Variants in SENP6 observed in about 807,000 individuals in gnomAD.
SENP6 encodes the protein SUMO specific peptidase 6.
Under a neutral mutation model 134.5 loss-of-function variants are expected in SENP6, and 41 were observed. The observed-to-expected ratio is 0.30, with a 90% confidence interval of 0.24 to 0.40. The LOEUF (loss-of-function observed/expected upper bound fraction) is 0.40, where lower values mean the gene tolerates loss of function less well. Among genes scored for constraint, SENP6 ranks in the 10% least tolerant of loss-of-function variants. The probability of loss-of-function intolerance (pLI) is 1.00; values close to 1 mark genes in which losing one functional copy is unlikely to be tolerated. For missense variants in SENP6, 1,248 were observed against 1,312.5 expected (o/e 0.95, Z 0.76); for synonymous variants, 395 against 429.8 (o/e 0.92, Z 1.00).
At position 75,716,361 on chromosome 6, in the gene SENP6, A is replaced by C. The variant is rs150583979; in HGVS notation, c.*767A>C. The C allele has an allele frequency of 1.3e-5, 2 of 152,044 alleles. No individual in the cohort carries two copies. The highest frequency in any genetic ancestry group is 1.3e-4 in the Admixed American group (2 of 15,266). 9.4% of individuals were successfully genotyped at this position (152,044 alleles called of 1,614,324 possible). ...CAAATATCCCGTGTTACCTTTCTCTATTACAGCTTAAAGTATGCTACAATC... is the reference window on the plus strand; with the variant it reads ...CAAATATCCCGTGTTACCTTTCTCTCTTACAGCTTAAAGTATGCTACAATC... On this transcript the variant is annotated 3_prime_UTR_variant, in exon 24 of 24. Coordinates refer to ENST00000447266, the MANE Select transcript of SENP6 (RefSeq NM_015571.4).
rs369405641 is a variant in SENP6, at chr6:75,703,044, T to C, written c.2688T>C (p.Asn896=). The change falls in exon 19 of 24, where the codon AAT becomes AAC. Residue 896 remains asparagine, a synonymous_variant. Transcript: ENST00000447266. ...DRTKSENGLQ[N]ESLSSTHHTD... ...CTAAAAGTGAGAATGGCCTACAGAA[T>C]GAAAGTTTAAGTTCCACACATCATA... The C allele has an allele frequency of 4.3e-6, 7 of 1,609,652 alleles. No homozygotes were observed. In the African/African-American group the frequency reaches 8.1e-5, roughly 19 times the overall value.
At chr6:75,658,267 G>T (rs563553394) in intron 7 of SENP6, among the ~76,000 whole-genome samples, 1 of 152,114 alleles carries the variant, frequency 6.6e-6, no homozygotes, top group Admixed American at 6.6e-5. Context: ...CTTTGTGATT[G>T]CACTAAGCAA....
In SENP6 at chr6:75,629,543, G is replaced by A. The variant is rs571538753; in HGVS notation, c.208-4038G>A. ...TCGAACTCCAGACCTCAGGTGATCC[G>A]CCCACCTTGGCTTCCCAAAGTGCTG... On this transcript the variant is annotated intron_variant, in intron 3 of 23. Coordinates refer to ENST00000447266, the MANE Select transcript of SENP6 (RefSeq NM_015571.4). Among the ~76,000 whole-genome samples, 13 of 152,084 alleles carry A rather than the reference G, an allele frequency of 8.5e-5. No homozygotes were observed. In the South Asian group the frequency reaches 1.5e-3, roughly 17 times the overall value.
At chr6:75,640,617 C>A in intron 5 of SENP6, 67 bp from the exon 6 acceptor site, 1 of 1,029,688 alleles carries the variant, frequency 9.7e-7, no homozygotes, top group Non-Finnish European at 1.4e-6. Context: ...ATAGTTACTG[C>A]AACTACAGTG....
intron 9 of SENP6, 136 bp from the exon 10 acceptor site, chr6:75,666,576 A>G (rs1410401255): frequency 1.6e-5 from 5 of 304,584 alleles, no homozygotes; most frequent in Non-Finnish European, 2.8e-5. Context: ...TTAATTTTAG[A>G]TCTGGAGGAG....
intron 3 of SENP6, among the ~76,000 whole-genome samples, chr6:75,633,343 G>T (rs1435368005): frequency 6.6e-6 from 1 of 151,966 alleles, no homozygotes; most frequent in East Asian, 1.9e-4. Flanking sequence ...AAATATCTTT[G>T]GAAAGATTCA....
At chr6:75,623,686 G>C (rs1425943068) in intron 2 of SENP6, among the ~76,000 whole-genome samples, 1 of 152,090 alleles carries the variant, frequency 6.6e-6, no homozygotes, top group Non-Finnish European at 1.5e-5. Flanking sequence ...ATTTTTATTG[G>C]AACATAGCCA....
In SENP6 at chr6:75,695,447, C is replaced by T. The variant is rs181719244; in HGVS notation, c.2076-357C>T. On this transcript the variant is annotated intron_variant, in intron 16 of 23. Transcript: ENST00000447266. ...GATTTACTGAGTTTTTAATACAAAG[C>T]GAACTGTGGCCGGGCGCCATGGCTC... Among the ~76,000 whole-genome samples, 20 of 152,276 alleles carry T rather than the reference C, an allele frequency of 1.3e-4. No individual in the cohort carries two copies. In the East Asian group the frequency reaches 2.7e-3, roughly 21 times the overall value.
At chr6:75,652,696 A>AAAAAAAAAAT in intron 7 of SENP6, among the ~76,000 whole-genome samples, 1 of 148,818 alleles carries the variant, frequency 6.7e-6, no homozygotes, top group East Asian at 2.1e-4. Context: ...AAAAAAAAAA[A>AAAAAAAAAAT]AAAAAAAGAA....
Position 75,663,535 on chromosome 6 carries a change from C to T in SENP6, c.994+17C>T. ...ATGATCCAAGTAAGTATTTTACTCC[C>T]TTTAATATTGCTTATATCAATCCAG... On this transcript the variant is annotated intron_variant, in intron 9 of 23. Coordinates refer to ENST00000447266, the MANE Select transcript of SENP6 (RefSeq NM_015571.4). The T allele has an allele frequency of 6.4e-7, 1 of 1,574,700 alleles. No homozygotes were observed. The highest frequency in any genetic ancestry group is 8.6e-7 in the Non-Finnish European group (1 of 1,158,446).
chr6:75,628,693 G>A (rs1235852586), intron 3 of SENP6, among the ~76,000 whole-genome samples: 3 of 152,006 alleles, frequency 2.0e-5, no homozygotes, highest in Non-Finnish European at 2.9e-5. Flanking sequence ...GATAAATATG[G>A]AAATAGTTTT....
chr6:75,623,872 T>C (rs767301399), intron 2 of SENP6, 28 bp from the exon 3 acceptor site: 6 of 1,570,422 alleles, frequency 3.8e-6, no homozygotes, highest in East Asian at 4.5e-5. Flanking sequence ...TTGCTACTTA[T>C]GTTTTTTTCC....
Position 75,633,698 on chromosome 6 carries a change from A to C in SENP6, c.325A>C (p.Asn109His), listed in dbSNP as rs1347939820. 1 of 1,610,190 alleles carries C rather than the reference A, an allele frequency of 6.2e-7. No homozygotes were observed. Among genetic ancestry groups the C allele is most frequent in the Non-Finnish European group, 8.5e-7 (1 of 1,178,760 alleles). ...TTTGAAAGGCAACCCAATTGGACTT[A>C]ACATGTTGAGCAACAATAAGAAATT... is the stretch of plus-strand genomic sequence containing the variant. Reference protein sequence around the residue: ...KTLKGNPIGLNMLSNNKKLSE... With the variant: ...KTLKGNPIGLHMLSNNKKLSE... The change falls in exon 4 of 24, where the codon AAC becomes CAC. Residue 109 changes from asparagine to histidine, a missense_variant. Physicochemically the swap from Asn to His is moderately conservative, Grantham distance 68 (BLOSUM62 1). Around this residue, in one of 3 missense-constraint regions of SENP6, gnomAD observed 733 missense variants for 725.4 expected, o/e 1.01. Coordinates refer to ENST00000447266, the MANE Select transcript of SENP6 (RefSeq NM_015571.4).
chr6:75,614,273 T>G (rs1469790762), intron 1 of SENP6, among the ~76,000 whole-genome samples: 1 of 150,754 alleles, frequency 6.6e-6, no homozygotes, highest in Non-Finnish European at 1.5e-5. Context: ...TTTTTTTTTT[T>G]TTTTTTGTTT....
At chr6:75,664,444 C>T (rs1164824068) in intron 9 of SENP6, among the ~76,000 whole-genome samples, 3 of 151,978 alleles carry the variant, frequency 2.0e-5, no homozygotes, top group Non-Finnish European at 4.4e-5. Context: ...CTGTGCTAAG[C>T]ATTTTACATA....
chr6:75,714,044 T>C (rs1441157636), intron 23 of SENP6, among the ~76,000 whole-genome samples: 1 of 152,188 alleles, frequency 6.6e-6, no homozygotes, highest in Non-Finnish European at 1.5e-5. Flanking sequence ...GAGCTCATTC[T>C]ATCACTGAAC....
At chr6:75,712,350 A>G (rs949758500) in intron 21 of SENP6, among the ~76,000 whole-genome samples, 8 of 152,202 alleles carry the variant, frequency 5.3e-5, no homozygotes, top group African/African-American at 1.2e-4. Flanking sequence ...TAGTTAAACA[A>G]TCTGCTCCAA....
intron 3 of SENP6, among the ~76,000 whole-genome samples, chr6:75,624,561 C>A (rs1768523096): frequency 6.6e-6 from 1 of 151,698 alleles, no homozygotes; most frequent in Admixed American, 6.6e-5. Context: ...TGTCTTCAAC[C>A]TTTGATCTTT....
chr6:75,713,841 T>C lies in SENP6; in HGVS notation c.3129+16T>C, dbSNP rs1395778133. ...CTTTTTTGAGGTGGGTTTCAATTTG[T>C]TGGATCTGCTATAATAAATAATAAA... On this transcript the variant is annotated intron_variant, in intron 23 of 23. Transcript: ENST00000447266. 14 of 1,540,810 alleles carry C rather than the reference T, an allele frequency of 9.1e-6. No homozygotes were observed. Among genetic ancestry groups the C allele is most frequent in the Non-Finnish European group, 1.2e-5 (14 of 1,137,188 alleles).
Sources: gnomAD v4.1 joint callset for allele counts (sites outside exome capture counted in the v4.1 genomes callset) on GRCh38, gnomAD v4.1.1 for gene constraint, gnomAD v4.1.1 regional missense constraint, MANE v1.5 for transcripts, NCBI Gene and HGNC (gene_info 2026-07-23, HGNC 2026-07-21) for gene names.